PTPN13: variants seen among roughly 807,000 people sequenced by gnomAD.
PTPN13 encodes tyrosine-protein phosphatase non-receptor type 13.
Under a neutral mutation model 284.0 loss-of-function variants are expected in PTPN13, and 191 were observed. The ratio of observed to expected loss-of-function variants is 0.67; its 90% CI spans 0.60 to 0.76. The LOEUF is 0.76. Ranked by LOEUF, PTPN13 falls within the 30% of genes least tolerant of loss-of-function variation. The pLI, the probability that PTPN13 is intolerant of heterozygous loss-of-function variation, is 0.00. For synonymous variants in PTPN13, 986 were observed against 1,022.3 expected, an observed-to-expected ratio of 0.96 and a Z score of 0.68; for missense variants, 2,797 against 2,939.9, an observed-to-expected ratio of 0.95 and a Z score of 1.12.
At chr4:86,756,257 C>T (rs1362265691) in intron 20 of PTPN13, among the ~76,000 whole-genome samples, 1 of 151,864 alleles carries the variant, frequency 6.6e-6, no homozygotes, top group African/African-American at 2.4e-5. Context: ...CCTAATGTGA[C>T]CTCACCCCCT....
intron 1 of PTPN13, among the ~76,000 whole-genome samples, chr4:86,602,184 T>G (rs921100855): frequency 4.6e-5 from 7 of 152,294 alleles, no homozygotes; most frequent in African/African-American, 1.4e-4. Flanking sequence ...TCCTGTTTGA[T>G]TTAGAGAAAC....
At chr4:86,674,431 A>G (rs184610963) in intron 3 of PTPN13, among the ~76,000 whole-genome samples, 47 of 152,356 alleles carry the variant, frequency 3.1e-4, no homozygotes, top group Non-Finnish European at 5.9e-5. Flanking sequence ...ATTTCTTTAA[A>G]CTGACAATCA....
At chr4:86,808,667 A>G (rs1015852628) in intron 45 of PTPN13, among the ~76,000 whole-genome samples, 3 of 152,192 alleles carry the variant, frequency 2.0e-5, no homozygotes, top group Non-Finnish European at 4.4e-5. Context: ...TAGCTTACCT[A>G]TTACTTAGGC....
At chr4:86,657,343 C>CT (rs1417875297) in intron 2 of PTPN13, among the ~76,000 whole-genome samples, 2 of 152,214 alleles carry the variant, frequency 1.3e-5, no homozygotes, top group Non-Finnish European at 2.9e-5. Context: ...GGAGCTGTTC[C>CT]TATTCGGCCA....
At chr4:86,810,075 T>A in intron 46 of PTPN13, 91 bp downstream of exon 46, 1 of 1,051,606 alleles carries the variant, frequency 9.5e-7, no homozygotes, top group Non-Finnish European at 1.4e-6. Flanking sequence ...TGGGATATTT[T>A]AACTTATGAG....
chr4:86,701,131 C>G (rs1386725455), intron 6 of PTPN13, 110 bp from the exon 7 acceptor site: 10 of 758,976 alleles, frequency 1.3e-5, no homozygotes, highest in Non-Finnish European at 2.1e-5. Context: ...TCTGATCTTC[C>G]ATTTGGAGCA....
At chr4:86,788,948 A>T (rs920247337) in intron 40 of PTPN13, among the ~76,000 whole-genome samples, 4 of 152,244 alleles carry the variant, frequency 2.6e-5, no homozygotes, top group East Asian at 1.9e-4. Context: ...GAGTAGGTGG[A>T]TAAAGTTATT....
intron 5 of PTPN13, among the ~76,000 whole-genome samples, chr4:86,691,304 A>C (rs971210821): frequency 1.3e-5 from 2 of 152,046 alleles, no homozygotes; most frequent in African/African-American, 4.8e-5. Flanking sequence ...CGGCAGAGGG[A>C]AGTGAACCTG....
At chr4:86,748,463 T>G (rs1737024270) in intron 17 of PTPN13, among the ~76,000 whole-genome samples, 1 of 152,198 alleles carries the variant, frequency 6.6e-6, no homozygotes, top group African/African-American at 2.4e-5. Flanking sequence ...CTGACTAAAC[T>G]GAGCCTGCTA....
chr4:86,649,727 T>C (rs1391839913), intron 2 of PTPN13, among the ~76,000 whole-genome samples: 1 of 152,202 alleles, frequency 6.6e-6, no homozygotes, highest in African/African-American at 2.4e-5. Context: ...TGTGACTCCA[T>C]ATAAATTTTA....
intron 6 of PTPN13, among the ~76,000 whole-genome samples, chr4:86,694,417 TA>T (rs1730369339): frequency 1.3e-5 from 2 of 151,408 alleles, no homozygotes; most frequent in South Asian, 4.2e-4. Context: ...CCCATCTCTC[TA>T]AAAATACAAA....
At position 86,799,045 on chromosome 4, in the gene PTPN13, G is replaced by A. The variant is rs1194534220; in HGVS notation, c.6402-56G>A. On this transcript the variant is annotated intron_variant, in intron 41 of 47. Coordinates refer to ENST00000411767, the MANE Select transcript of PTPN13 (RefSeq NM_080683.3). ...TGTAGAGAAAATCATTCAGGGCCAT[G>A]TTTAATTTGAGTACAAAAATGAAGA... 3 of 1,078,852 alleles carry A rather than the reference G, an allele frequency of 2.8e-6. No individual in the cohort carries two copies. The East Asian group carries it at 8.0e-5, about 29-fold the overall frequency. The allele number at this position is 1,078,852 out of a possible 1,614,324, so 66.8% of individuals were successfully genotyped here. A position where few individuals can be genotyped will look rare whatever the true frequency, so the allele number is the denominator to read the frequency against.
At chr4:86,686,936 A>G (rs1199573357) in intron 4 of PTPN13, among the ~76,000 whole-genome samples, 161 bp downstream of exon 4, 1 of 152,242 alleles carries the variant, frequency 6.6e-6, no homozygotes, top group East Asian at 1.9e-4. Context: ...TACTTTCAGG[A>G]TGAACTTTCA....
In PTPN13 at chr4:86,775,255, A is replaced by G. The variant is rs1475380159; in HGVS notation, c.5593A>G (p.Ile1865Val). Residue 1865 changes from isoleucine (I) to valine (V), a missense_variant, in exon 34 of 48, where the codon ATT (isoleucine) becomes GTT (valine). Physicochemically the swap from Ile to Val is conservative, Grantham distance 29 (BLOSUM62 3). Transcript: ENST00000411767. ...TGCATCCAAAACAGTCAGATTAGTTATTGGACGAGTTCTAGAATTACCCAG... is the reference window on the plus strand; with the variant it reads ...TGCATCCAAAACAGTCAGATTAGTTGTTGGACGAGTTCTAGAATTACCCAG... ...RAASKTVRLV[I>V]GRVLELPRIP... 2 of 1,613,448 alleles carry G rather than the reference A, an allele frequency of 1.2e-6. No individual in the cohort carries two copies. The highest frequency in any genetic ancestry group is 4.5e-5 in the East Asian group (2 of 44,860).
intron 9 of PTPN13, among the ~76,000 whole-genome samples, chr4:86,721,437 A>G (rs547283356): frequency 6.6e-6 from 1 of 152,164 alleles, no homozygotes; most frequent in Non-Finnish European, 1.5e-5. Flanking sequence ...GAAGTAGCCA[A>G]TAAACCATGA....
At chr4:86,614,645 G>A (rs532370677) in intron 1 of PTPN13, among the ~76,000 whole-genome samples, 1 of 152,126 alleles carries the variant, frequency 6.6e-6, no homozygotes, top group South Asian at 2.1e-4. Context: ...TGATAATAAG[G>A]TTGTGTTGTC....
Position 86,811,077 on chromosome 4 carries a change from G to C in PTPN13, c.7331G>C (p.Arg2444Thr). 6.2e-7 allele frequency: 1 copy of C among 1,613,666 alleles called. No individual in the cohort carries two copies. The highest frequency in any genetic ancestry group is 8.5e-7 in the Non-Finnish European group (1 of 1,179,706). The change falls in exon 47 of 48, where the codon AGA (arginine) becomes ACA (threonine). Residue 2444 changes from arginine (R) to threonine (T), a missense_variant. Coordinates refer to ENST00000411767, the MANE Select transcript of PTPN13 (RefSeq NM_080683.3). ...ATCTCTGATTTGGTGCGCTGCATGA[G>C]ACTACAAAGACACGGAATGGTTCAG... is the stretch of plus-strand genomic sequence containing the variant. Reference protein sequence around the residue: ...FDISDLVRCMRLQRHGMVQTE... With the variant: ...FDISDLVRCMTLQRHGMVQTE...
intron 36 of PTPN13, 107 bp downstream of exon 36, chr4:86,780,579 A>G (rs553053927): frequency 6.9e-5 from 52 of 757,318 alleles, no homozygotes; most frequent in South Asian, 6.3e-4. Flanking sequence ...TATAACTTAC[A>G]CCTAAAATAT....
At chr4:86,689,790 C>T (rs563258673) in intron 5 of PTPN13, 17 of 701,122 alleles carry the variant, frequency 2.4e-5, no homozygotes, top group South Asian at 2.4e-4. Flanking sequence ...CTATATATTA[C>T]CTGAAAGTCC....
Sources: allele counts gnomAD v4.1 joint callset (sites outside exome capture counted in the v4.1 genomes callset), GRCh38; gene constraint gnomAD v4.1.1; transcripts MANE v1.5; gene names NCBI Gene and HGNC (gene_info 2026-07-23, HGNC 2026-07-21).